C6: variants seen among roughly 807,000 people sequenced by gnomAD.
The protein encoded by C6 is complement C6.
In C6, 101 loss-of-function variants were observed where a neutral mutation model predicts 112.9. The observed-to-expected ratio is 0.89, with a 90% CI of 0.76 to 1.06. The LOEUF is 1.06. Ranked by LOEUF, C6 falls within the 50% of genes least tolerant of loss-of-function variation. The pLI, the probability that C6 is intolerant of heterozygous loss-of-function variation, is 0.00. For synonymous variants in C6, 431 were observed against 384.1 expected (o/e 1.12, Z -1.43); for missense variants, 1,202 against 1,104.6 (o/e 1.09, Z -1.25).
chr5:41,206,581 A>AC (rs1251844169), intron 1 of C6, among the ~76,000 whole-genome samples: 2 of 152,244 alleles, frequency 1.3e-5, no homozygotes, highest in Non-Finnish European at 2.9e-5. Flanking sequence ...TGACGCATGC[A>AC]CAAGCTTCAG....
upstream of C6, among the ~76,000 whole-genome samples, chr5:41,217,416 T>C (rs959399221): frequency 6.6e-6 from 1 of 152,128 alleles, no homozygotes; most frequent in Non-Finnish European, 1.5e-5. Context: ...GTTGATTGAA[T>C]TGAGTTGTCT....
chr5:41,146,597 A>G (rs778744450), intron 17 of C6, among the ~76,000 whole-genome samples: 2 of 152,226 alleles, frequency 1.3e-5, no homozygotes, highest in Non-Finnish European at 2.9e-5. Context: ...GAGAAAGATC[A>G]TATCTTTAGA....
intron 1 of C6, among the ~76,000 whole-genome samples, chr5:41,256,193 G>A (rs1741688152): frequency 6.6e-6 from 1 of 151,828 alleles, no homozygotes; most frequent in African/African-American, 2.4e-5. Flanking sequence ...TATCATTGTT[G>A]GACATTTGGG....
intron 1 of C6, among the ~76,000 whole-genome samples, chr5:41,219,312 G>T (rs1302569099): frequency 6.6e-6 from 1 of 152,160 alleles, no homozygotes; most frequent in Admixed American, 6.5e-5. Flanking sequence ...TTTAGGTAGG[G>T]TCATCTAGAT....
chr5:41,185,796 G>T (rs570121255), intron 6 of C6, among the ~76,000 whole-genome samples: 1 of 152,300 alleles, frequency 6.6e-6, no homozygotes, highest in South Asian at 2.1e-4. Context: ...AGAAAGCATG[G>T]ACTCGAATCA....
At chr5:41,172,657 C>A (rs1018131570) in intron 8 of C6, 1 of 448,308 alleles carries the variant, frequency 2.2e-6, no homozygotes, top group Non-Finnish European at 4.1e-6. Context: ...GTCCTTGTTG[C>A]CTGCCACTTG....
In C6 at chr5:41,149,941, T is replaced by C. The variant is rs1746224640; in HGVS notation, c.2375A>G (p.Asp792Gly). The change falls in exon 16 of 18, where the codon GAC (aspartate) becomes GGC (glycine). Residue 792 changes from aspartate (D) to glycine (G), a missense_variant. By Grantham distance (94) the Asp-to-Gly change is moderately conservative. Coordinates refer to ENST00000337836, the MANE Select transcript of C6 (RefSeq NM_000065.5). ...SECICMSPEE[D>G]CSHHSEDLCV... ...TCTGTAGGGTATCTCTTACCTACAG[T>C]CTTCTTCTGGAGACATACAAATGCA... 1 of 1,605,768 alleles carries C rather than the reference T, an allele frequency of 6.2e-7. No homozygotes were observed. Among genetic ancestry groups the C allele is most frequent in the South Asian group, 1.1e-5 (1 of 90,950 alleles).
chr5:41,209,336 C>A lies in C6; in HGVS notation c.-21+4040G>T, dbSNP rs372576663. Among the ~76,000 whole-genome samples, 184 of 152,288 alleles carry A rather than the reference C, an allele frequency of 1.2e-3. 1 individual carries two copies. Among genetic ancestry groups the A allele is most frequent in the African/African-American group, 4.3e-3 (180 of 41,556 alleles). On this transcript the variant is annotated intron_variant, in intron 1 of 17. Coordinates refer to ENST00000337836, the MANE Select transcript of C6 (RefSeq NM_000065.5). Reference sequence around the variant, plus strand: ...AAGACAAGGATTCCCTCTTTCACCACCCCTATTCAACATAGTGTTGGAAGT... The same window carrying A: ...AAGACAAGGATTCCCTCTTTCACCAACCCTATTCAACATAGTGTTGGAAGT...
chr5:41,236,750 GAC>G (rs1740335663), intron 1 of C6, among the ~76,000 whole-genome samples: 1 of 141,026 alleles, frequency 7.1e-6, no homozygotes, highest in African/African-American at 2.7e-5. Flanking sequence ...AGGAAATAGA[GAC>G]ACAAAAAATC....
intron 7 of C6, among the ~76,000 whole-genome samples, chr5:41,180,891 G>GA (rs1264791316): frequency 6.7e-6 from 1 of 149,718 alleles, no homozygotes; most frequent in East Asian, 1.9e-4. Flanking sequence ...AATATAAGAG[G>GA]AAAAAAATGG....
chr5:41,250,377 A>G (rs940101450), intron 1 of C6, among the ~76,000 whole-genome samples: 3 of 152,182 alleles, frequency 2.0e-5, no homozygotes, highest in African/African-American at 4.8e-5. Context: ...GCTGTTGTCT[A>G]CCTGTGGTCC....
chr5:41,229,040 G>A (rs916728898), intron 1 of C6, among the ~76,000 whole-genome samples: 12 of 152,196 alleles, frequency 7.9e-5, no homozygotes, highest in East Asian at 5.8e-4. Context: ...ACTTGAACCC[G>A]GGAGACGGAG....
At chr5:41,253,533 A>ACTT (rs767194424) in intron 1 of C6, among the ~76,000 whole-genome samples, 8 of 152,118 alleles carry the variant, frequency 5.3e-5, no homozygotes, top group Non-Finnish European at 1.2e-4. Context: ...AGGCCTAAAA[A>ACTT]CTTTTATCAA....
chr5:41,241,209 G>A (rs1740690936), intron 1 of C6, among the ~76,000 whole-genome samples: 1 of 152,188 alleles, frequency 6.6e-6, no homozygotes, highest in African/African-American at 2.4e-5. Context: ...GCTGCTGGAG[G>A]CGGGGTGGGG....
chr5:41,163,099 G>C (rs535840281), intron 9 of C6, among the ~76,000 whole-genome samples: 1 of 151,820 alleles, frequency 6.6e-6, no homozygotes. Context: ...AAGTGAGCAA[G>C]TGCCTTAAAA....
intron 9 of C6, among the ~76,000 whole-genome samples, chr5:41,163,621 T>C (rs1298242051): frequency 6.6e-6 from 1 of 152,188 alleles, no homozygotes; most frequent in Admixed American, 6.5e-5. Context: ...TGAACTTTGT[T>C]TTTAAGTGTG....
chr5:41,243,093 T>C (rs1740825714), intron 1 of C6, among the ~76,000 whole-genome samples: 1 of 152,146 alleles, frequency 6.6e-6, no homozygotes, highest in African/African-American at 2.4e-5. Context: ...GCTTGGTGAA[T>C]ATAGTGAATA....
At chr5:41,175,866 T>C (rs1010285356) in intron 8 of C6, among the ~76,000 whole-genome samples, 1 of 152,238 alleles carries the variant, frequency 6.6e-6, no homozygotes, top group Non-Finnish European at 1.5e-5. Context: ...ACATAAAGCA[T>C]GCAGGCAGTG....
At chr5:41,163,136 A>C (rs1747676549) in intron 9 of C6, among the ~76,000 whole-genome samples, 1 of 151,762 alleles carries the variant, frequency 6.6e-6, no homozygotes, top group Admixed American at 6.6e-5. Context: ...ATGCAGATTG[A>C]AGATAATGCC....
Sources: allele counts gnomAD v4.1 joint callset (sites outside exome capture counted in the v4.1 genomes callset), GRCh38; gene constraint gnomAD v4.1.1; transcripts MANE v1.5; gene names NCBI Gene and HGNC (gene_info 2026-07-23, HGNC 2026-07-21).